Variants in NALF1 observed in about 807,000 individuals in gnomAD.
The protein encoded by NALF1 is family with sequence similarity 155 member A.
A neutral mutation model predicts 48.4 loss-of-function variants in NALF1; 3 were observed. The ratio of observed to expected loss-of-function variants is 0.06; its 90% confidence interval spans 0.03 to 0.16. The LOEUF (loss-of-function observed/expected upper bound fraction) is 0.16. Ranked by LOEUF, NALF1 falls within the 10% of genes least tolerant of loss-of-function variation. The probability of loss-of-function intolerance (pLI) is 1.00; values close to 1 mark genes in which losing one functional copy is unlikely to be tolerated. For synonymous variants in NALF1, 262 were observed against 245.7 expected (o/e 1.07, Z -0.62); for missense variants, 526 against 571.5 (o/e 0.92, Z 0.81).
chr13:107,700,581 T>G (rs1881795924), intron 1 of NALF1, among the ~76,000 whole-genome samples: 1 of 152,076 alleles, frequency 6.6e-6, no homozygotes, highest in Admixed American at 6.6e-5. Flanking sequence ...CAATGATTTC[T>G]AAGATATTAC....
chr13:107,215,829 C>T (rs1485303186), intron 1 of NALF1, among the ~76,000 whole-genome samples: 1 of 141,432 alleles, frequency 7.1e-6, no homozygotes, highest in African/African-American at 2.5e-5. Context: ...AAAAAATGCC[C>T]TATGATTAAT....
intron 1 of NALF1, among the ~76,000 whole-genome samples, chr13:107,650,379 A>C (rs1179246092): frequency 7.8e-6 from 1 of 128,880 alleles, no homozygotes; most frequent in Non-Finnish European, 1.7e-5. Context: ...TTTGAACGGT[A>C]ATCTCTGCAA....
At chr13:107,858,018 C>T (rs1880479596) in intron 1 of NALF1, among the ~76,000 whole-genome samples, 1 of 152,146 alleles carries the variant, frequency 6.6e-6, no homozygotes, top group Non-Finnish European at 1.5e-5. Context: ...CCACCAAAAC[C>T]ATACACACAT....
At chr13:107,457,686 A>G (rs899534677) in intron 1 of NALF1, among the ~76,000 whole-genome samples, 1 of 97,516 alleles carries the variant, frequency 1.0e-5, no homozygotes, top group African/African-American at 5.1e-5. Context: ...ATTGAAGACA[A>G]ACACATGGAA....
chr13:107,817,183 C>G (rs1406529639), intron 1 of NALF1, among the ~76,000 whole-genome samples: 1 of 152,048 alleles, frequency 6.6e-6, no homozygotes, highest in Non-Finnish European at 1.5e-5. Flanking sequence ...ATAATGTGAT[C>G]CTCATTACAA....
intron 1 of NALF1, among the ~76,000 whole-genome samples, chr13:107,734,409 A>AAAC (rs1555321957): frequency 8.0e-5 from 12 of 149,328 alleles, no homozygotes; most frequent in Middle Eastern, 3.4e-3. Flanking sequence ...TTTAAAAAAA[A>AAAC]ACACACACAC....
Position 107,167,078 on chromosome 13 carries a change from G to A in NALF1, c.*3419C>T, listed in dbSNP as rs1878675652. On this transcript the variant is annotated 3_prime_UTR_variant, in exon 3 of 3. Transcript: ENST00000375915. ...ATGTTATTTGCCATTTAGCTTAGCA[G>A]TACCAACATATTCCAGAAACTGAAA... is the stretch of plus-strand genomic sequence containing the variant. 1 of 152,150 alleles carries A rather than the reference G, an allele frequency of 6.6e-6. No individual in the cohort carries two copies. The highest frequency in any genetic ancestry group is 1.5e-5 in the Non-Finnish European group (1 of 68,024). 9.4% of individuals were successfully genotyped at this position (152,150 alleles called of 1,614,324 possible).
intron 2 of NALF1, among the ~76,000 whole-genome samples, chr13:107,177,445 C>T (rs1394700194): frequency 1.3e-5 from 2 of 152,108 alleles, no homozygotes; most frequent in South Asian, 2.1e-4. Flanking sequence ...CAAAGTTATC[C>T]TTAGCAAAAA....
In NALF1 at chr13:107,649,036, C is replaced by T. The variant is rs187642329; in HGVS notation, c.915+216646G>A. Among the ~76,000 whole-genome samples, 234 of 152,166 alleles carry T rather than the reference C, an allele frequency of 1.5e-3. 2 individuals are homozygous for T. Among genetic ancestry groups the T allele is most frequent in the African/African-American group, 5.2e-3 (215 of 41,536 alleles). On this transcript the variant is annotated intron_variant, in intron 1 of 2. Transcript: ENST00000375915. ...CCATTTTTAAATTTGTACTGTTTGT[C>T]TTTGTTGTTGAGTTTTAAGAGCTCT...
In NALF1 at chr13:107,633,721, G is replaced by GTATA. The variant is rs71121539; in HGVS notation, c.915+231957_915+231960dup. 7.5e-3 allele frequency among the ~76,000 whole-genome samples: 1,088 copies of GTATA among 145,794 alleles called. 6 individuals carry two copies. Among genetic ancestry groups the GTATA allele is most frequent in the South Asian group, 0.014 (68 of 4,704 alleles). ...TTTTATTTTTCATATATATGTGTGT[G>GTATA]TATATATATATATATATATGAAACA... is the stretch of plus-strand genomic sequence containing the variant. On this transcript the variant is annotated intron_variant, in intron 1 of 2. Coordinates refer to ENST00000375915, the MANE Select transcript of NALF1 (RefSeq NM_001080396.3).
chr13:107,202,173 C>T (rs567348504), intron 2 of NALF1, among the ~76,000 whole-genome samples: 2 of 151,936 alleles, frequency 1.3e-5, no homozygotes, highest in Non-Finnish European at 2.9e-5. Context: ...ATTAAATTCA[C>T]TCTTTCTTTT....
chr13:107,176,560 T>G (rs1566441833), intron 2 of NALF1, among the ~76,000 whole-genome samples: 2 of 151,898 alleles, frequency 1.3e-5, no homozygotes, highest in East Asian at 3.9e-4. Flanking sequence ...GAGAATGGCG[T>G]GAACCCGGGA....
chr13:107,267,513 C>T (rs1356603532), intron 1 of NALF1, among the ~76,000 whole-genome samples: 1 of 152,076 alleles, frequency 6.6e-6, no homozygotes, highest in Non-Finnish European at 1.5e-5. Context: ...TATGTTAAAA[C>T]ACATATACAG....
intron 1 of NALF1, among the ~76,000 whole-genome samples, chr13:107,816,060 T>C (rs1350431670): frequency 6.6e-6 from 1 of 152,130 alleles, no homozygotes; most frequent in Non-Finnish European, 1.5e-5. Flanking sequence ...GCGTTTATGG[T>C]GATGGTTGCC....
chr13:107,808,969 G>T (rs1002465232), intron 1 of NALF1, among the ~76,000 whole-genome samples: 1 of 152,028 alleles, frequency 6.6e-6, no homozygotes, highest in African/African-American at 2.4e-5. Flanking sequence ...CAAGAATAGG[G>T]CTAACAAACC....
intron 1 of NALF1, among the ~76,000 whole-genome samples, chr13:107,275,389 T>C (rs1881259452): frequency 6.6e-6 from 1 of 152,108 alleles, no homozygotes; most frequent in Admixed American, 6.5e-5. Flanking sequence ...AAAGTCAAAG[T>C]ATAATCACGG....
intron 1 of NALF1, among the ~76,000 whole-genome samples, chr13:107,375,473 T>C (rs1270635447): frequency 6.6e-6 from 1 of 152,278 alleles, no homozygotes; most frequent in East Asian, 1.9e-4. Context: ...AGAAAGTATC[T>C]ATCATGTAAA....
intron 1 of NALF1, among the ~76,000 whole-genome samples, chr13:107,616,337 TC>T (rs1471821440): frequency 6.6e-6 from 1 of 152,144 alleles, no homozygotes; most frequent in African/African-American, 2.4e-5. Flanking sequence ...GTGAGAACTT[TC>T]CCCTCACACA....
chr13:107,336,622 G>C (rs1359150129), intron 1 of NALF1, among the ~76,000 whole-genome samples: 1 of 151,988 alleles, frequency 6.6e-6, no homozygotes, highest in African/African-American at 2.4e-5. Context: ...AACCAACCCT[G>C]TCCTCCACTT....
Sources: allele counts gnomAD v4.1 joint callset (sites outside exome capture counted in the v4.1 genomes callset), GRCh38; gene constraint gnomAD v4.1.1; transcripts MANE v1.5; gene names NCBI Gene and HGNC (gene_info 2026-07-23, HGNC 2026-07-21).